The following KCTD10 variants were observed in gnomAD, a reference collection of about 807,000 sequenced individuals.
KCTD10 encodes potassium channel tetramerization domain containing 10, also known as BTB/POZ domain-containing adapter for CUL3-mediated RhoA degradation protein 3.
A neutral mutation model predicts 34.6 loss-of-function variants in KCTD10; 13 were observed. The ratio of observed to expected loss-of-function variants is 0.38; its 90% CI spans 0.24 to 0.60. The LOEUF (loss-of-function observed/expected upper bound fraction) is 0.60. KCTD10 is among the 20% of genes least tolerant of loss of function. KCTD10 has a pLI of 0.66. For missense variants in KCTD10, 256 were observed against 420.3 expected (o/e 0.61, Z 3.42); for synonymous variants, 156 against 168.8 (o/e 0.92, Z 0.59).
intron 1 of KCTD10, among the ~76,000 whole-genome samples, chr12:109,475,679 G>A (rs1874157995): frequency 6.6e-6 from 1 of 152,090 alleles, no homozygotes; most frequent in African/African-American, 2.4e-5. Context: ...GAGTTGCCAG[G>A]GATGTGAGGC....
rs932817655 is a variant in KCTD10, at chr12:109,450,756, T to C, written c.*839A>G. ...ACAGGGTCAGATGGCCTTCCTGGAG[T>C]GGAGTCGGGTCAATCAGGAGAACAA... On this transcript the variant is annotated 3_prime_UTR_variant, in exon 7 of 7. Transcript: ENST00000228495. 1 of 167,826 alleles carries C rather than the reference T, an allele frequency of 6.0e-6. No homozygotes were observed. The highest frequency in any genetic ancestry group is 6.4e-5 in the Admixed American group (1 of 15,648). The allele number at this position is 167,826 out of a possible 1,614,324, so 10.4% of individuals were successfully genotyped here. A position where few individuals can be genotyped will look rare whatever the true frequency, so the allele number is the denominator to read the frequency against.
intron 2 of KCTD10, among the ~76,000 whole-genome samples, chr12:109,468,802 A>G (rs1182840989): frequency 6.6e-6 from 1 of 151,576 alleles, no homozygotes; most frequent in African/African-American, 2.4e-5. Flanking sequence ...ACAGGCACCC[A>G]CCACCACGCC....
At position 109,460,860 on chromosome 12, in the gene KCTD10, C is replaced by A. The variant is rs576516545; in HGVS notation, c.218-55G>T. On this transcript the variant is annotated intron_variant, in intron 2 of 6. Coordinates refer to ENST00000228495, the MANE Select transcript of KCTD10 (RefSeq NM_031954.5). This position sits in a 1 kb window ranked among gnomAD's most constrained non-coding sequence, Gnocchi z 4.5. ...CATGGGCCCTCCTCTTGTGGGAGGC[C>A]CTGAGCAGAGCTGGGGTGTCTCTCG... 2.1e-5 allele frequency: 33 copies of A among 1,572,062 alleles called. No individual in the cohort carries two copies. The highest frequency in any genetic ancestry group is 8.0e-5 in the South Asian group (7 of 87,838).
intron 2 of KCTD10, 182 bp downstream of exon 2, chr12:109,469,333 G>T: frequency 1.5e-6 from 1 of 661,532 alleles, no homozygotes; most frequent in Non-Finnish European, 2.5e-6. Flanking sequence ...TAAGCCCTGG[G>T]TGAGGAAGTG....
At chr12:109,461,221 C>T (rs1420419316) in intron 2 of KCTD10, among the ~76,000 whole-genome samples, 2 of 152,234 alleles carry the variant, frequency 1.3e-5, no homozygotes, top group Non-Finnish European at 2.9e-5. Context: ...CCTCTTTCCA[C>T]AAAGCTTCCT....
chr12:109,457,953 G>C, intron 4 of KCTD10, 39 bp downstream of exon 4: 1 of 1,487,996 alleles, frequency 6.7e-7, no homozygotes, highest in South Asian at 1.1e-5. Context: ...CATCATTTCT[G>C]GTAGCAAAAG....
chr12:109,452,059 G>A (rs572406512), intron 6 of KCTD10, among the ~76,000 whole-genome samples: 29 of 152,320 alleles, frequency 1.9e-4, no homozygotes, highest in Admixed American at 9.8e-4. Flanking sequence ...TAAAGGTACA[G>A]TTTCTCATCA....
chr12:109,471,199 AACAC>A, intron 1 of KCTD10: 1 of 985,396 alleles, frequency 1.0e-6, no homozygotes, highest in South Asian at 4.7e-5. Context: ...TAACTGGTAA[AACAC>A]AAACGTTATT....
intron 1 of KCTD10, among the ~76,000 whole-genome samples, chr12:109,474,206 T>C (rs1384147445): frequency 3.9e-5 from 6 of 152,158 alleles, no homozygotes; most frequent in Non-Finnish European, 7.3e-5. Flanking sequence ...TGAACCACCG[T>C]GCCTGGCCAG....
chr12:109,459,720 A>G (rs1315321409), intron 3 of KCTD10: 1 of 152,248 alleles, frequency 6.6e-6, no homozygotes, highest in African/African-American at 2.4e-5. Context: ...ATGCCAGTAG[A>G]TAATGTCAAA....
At chr12:109,476,970 T>C (rs1566062545) in intron 1 of KCTD10, among the ~76,000 whole-genome samples, 2 of 152,106 alleles carry the variant, frequency 1.3e-5, no homozygotes, top group Non-Finnish European at 2.9e-5. Flanking sequence ...AGGACTCACT[T>C]GGAGACACCC....
chr12:109,452,505 GACTAGACT>G (rs1872822210), intron 6 of KCTD10, among the ~76,000 whole-genome samples: 2 of 152,348 alleles, frequency 1.3e-5, no homozygotes, highest in East Asian at 3.9e-4. Flanking sequence ...CATTTGATCA[GACTAGACT>G]CCACTTTCAG....
intron 2 of KCTD10, among the ~76,000 whole-genome samples, chr12:109,464,377 C>T (rs770276481): frequency 1.3e-5 from 2 of 152,164 alleles, no homozygotes; most frequent in Non-Finnish European, 2.9e-5. Context: ...CATCCCTGGC[C>T]TCTACTCACT....
rs374251027 is a variant in KCTD10, at chr12:109,460,715, C to T, written c.308G>A (p.Arg103Gln). The T allele has an allele frequency of 8.4e-5, 136 of 1,614,168 alleles. No homozygotes were observed. Among genetic ancestry groups the T allele is most frequent in the Non-Finnish European group, 1.1e-4 (128 of 1,180,022 alleles). ...DGAVPLPESRREIEELLAEAK... is the reference protein window; with the variant it reads ...DGAVPLPESRQEIEELLAEAK... ...TTCTGCTAGCAGCTCCTCGATCTCC[C>T]GGCGGCTCTCGGGTAAAGGCACCGC... The change falls in exon 3 of 7, where the codon CGG (arginine) becomes CAG (glutamine). Residue 103 changes from arginine to glutamine, a missense_variant. Around this residue, in one of 3 missense-constraint regions of KCTD10, gnomAD observed 155 missense variants for 207.0 expected, o/e 0.75. Coordinates refer to ENST00000228495, the MANE Select transcript of KCTD10 (RefSeq NM_031954.5). This position sits in a 1 kb window ranked among gnomAD's most constrained non-coding sequence, Gnocchi z 4.5.
intron 5 of KCTD10, 23 bp from the exon 6 acceptor site, chr12:109,456,336 G>A (rs1439330155): frequency 6.2e-7 from 1 of 1,608,562 alleles, no homozygotes; most frequent in Admixed American, 1.7e-5. Context: ...ATTTGATACG[G>A]TGACCACAAG....
At chr12:109,461,775 G>T (rs879675468) in intron 2 of KCTD10, among the ~76,000 whole-genome samples, 4 of 151,834 alleles carry the variant, frequency 2.6e-5, no homozygotes, top group Non-Finnish European at 5.9e-5. Context: ...CCAGACAGAT[G>T]AGAGGGTGAA....
At chr12:109,477,165 C>G (rs1874413196) in intron 1 of KCTD10, 95 bp downstream of exon 1, 2 of 1,447,396 alleles carry the variant, frequency 1.4e-6, no homozygotes, top group Non-Finnish European at 1.9e-6. Flanking sequence ...TGCCCCTCAT[C>G]ACACCCCCTC....
At chr12:109,476,286 G>A (rs575415880) in intron 1 of KCTD10, among the ~76,000 whole-genome samples, 23 of 152,334 alleles carry the variant, frequency 1.5e-4, no homozygotes, top group African/African-American at 5.1e-4. Context: ...GCACAAAATG[G>A]AGCGGACTAG....
At chr12:109,462,196 T>C (rs2135660861) in intron 2 of KCTD10, among the ~76,000 whole-genome samples, 1 of 152,322 alleles carries the variant, frequency 6.6e-6, no homozygotes, top group South Asian at 2.1e-4. Flanking sequence ...TTTTAGGGCA[T>C]AGTTTGGTAT....
Sources: allele counts gnomAD v4.1 joint callset (sites outside exome capture counted in the v4.1 genomes callset), GRCh38; gene constraint gnomAD v4.1.1; regional missense constraint gnomAD v4.1.1; non-coding constraint Gnocchi (gnomAD v3.1); transcripts MANE v1.5; gene names NCBI Gene and HGNC (gene_info 2026-07-23, HGNC 2026-07-21).